The following KCNAB1 variants were observed in gnomAD, a reference collection of about 807,000 sequenced individuals.
KCNAB1 encodes the protein potassium voltage-gated channel subfamily A regulatory beta subunit 1.
Under a neutral mutation model 64.6 loss-of-function variants are expected in KCNAB1, and 35 were observed. The observed-to-expected ratio is 0.54, with a 90% CI of 0.41 to 0.72. The LOEUF (loss-of-function observed/expected upper bound fraction) is 0.72, where lower values mean the gene tolerates loss of function less well. KCNAB1 is among the 30% of genes least tolerant of loss of function. The probability of loss-of-function intolerance (pLI) is 0.00; values close to 1 mark genes in which losing one functional copy is unlikely to be tolerated. For synonymous variants in KCNAB1, 177 were observed against 183.8 expected (o/e 0.96, Z 0.30); for missense variants, 401 against 512.9 (o/e 0.78, Z 2.11).
intron 1 of KCNAB1, among the ~76,000 whole-genome samples, chr3:156,283,728 G>A (rs944830747): frequency 7.3e-5 from 11 of 151,376 alleles, no homozygotes; most frequent in Non-Finnish European, 1.0e-4. Context: ...ATCTTCTATC[G>A]CTGATACCCT....
intron 1 of KCNAB1, among the ~76,000 whole-genome samples, chr3:156,292,289 C>T (rs961595972): frequency 1.3e-5 from 2 of 152,040 alleles, no homozygotes; most frequent in African/African-American, 2.4e-5. Context: ...TGAATAAACC[C>T]AGGGTGGTTG....
rs56797725 is a variant in KCNAB1, at chr3:156,214,564, T to C, written c.275+93678T>C. Among the ~76,000 whole-genome samples, 328 of 152,304 alleles carry C rather than the reference T, an allele frequency of 2.2e-3. 2 individuals are homozygous for C. The highest frequency in any genetic ancestry group is 7.6e-3 in the African/African-American group (315 of 41,568). ...CCCAAACTTCCTGTTATTGCTTTCC[T>C]TTTTGGAAGATGGAGAGATTTTGTC... On this transcript the variant is annotated intron_variant, in intron 1 of 13. Coordinates refer to ENST00000490337, the MANE Select transcript of KCNAB1 (RefSeq NM_172160.3).
intron 1 of KCNAB1, among the ~76,000 whole-genome samples, chr3:156,332,507 G>A (rs1560200567): frequency 6.6e-6 from 1 of 152,136 alleles, no homozygotes; most frequent in Admixed American, 6.5e-5. Flanking sequence ...TAGTGGGTTA[G>A]TTTCAACCAG....
chr3:156,375,353 G>C (rs1446339179), intron 1 of KCNAB1, among the ~76,000 whole-genome samples: 1 of 134,476 alleles, frequency 7.4e-6, no homozygotes, highest in East Asian at 2.0e-4. Flanking sequence ...GGTGGAAGCT[G>C]GGCTGGTGTT....
chr3:156,165,505 G>A (rs6784723), intron 1 of KCNAB1, among the ~76,000 whole-genome samples: 100,661 of 151,804 alleles, frequency 0.66, 33,806 homozygotes, highest in East Asian at 0.93. Flanking sequence ...CAGAGCTTAG[G>A]TGAACAAAGC....
At chr3:156,397,607 G>A (rs1713557317) in intron 1 of KCNAB1, among the ~76,000 whole-genome samples, 1 of 151,988 alleles carries the variant, frequency 6.6e-6, no homozygotes, top group Admixed American at 6.5e-5. Flanking sequence ...AGATGCATAT[G>A]TTTCCTTCCC....
intron 13 of KCNAB1, among the ~76,000 whole-genome samples, chr3:156,535,468 T>G (rs1480389324): frequency 2.0e-5 from 3 of 152,134 alleles, no homozygotes; most frequent in Non-Finnish European, 4.4e-5. Flanking sequence ...GGGGCTTCAG[T>G]CAGCATGTCG....
chr3:156,431,524 G>A (rs574836387), intron 2 of KCNAB1, among the ~76,000 whole-genome samples: 10 of 152,298 alleles, frequency 6.6e-5, no homozygotes, highest in African/African-American at 1.4e-4. Context: ...TGCAGTGTAC[G>A]TGGCTGAATG....
chr3:156,524,652 CAGG>C (rs1317470010), intron 12 of KCNAB1, among the ~76,000 whole-genome samples: 3 of 143,166 alleles, frequency 2.1e-5, no homozygotes, highest in African/African-American at 7.8e-5. Context: ...GAGGCTGAGG[CAGG>C]AGAATGGCGT....
chr3:156,474,605 T>C (rs1714198414), intron 7 of KCNAB1, 129 bp from the exon 8 acceptor site: 2 of 625,064 alleles, frequency 3.2e-6, no homozygotes, highest in Admixed American at 5.3e-5. Context: ...ACAATCATTG[T>C]ATTCAACGCA....
At chr3:156,278,140 C>T (rs147398516) in intron 1 of KCNAB1, among the ~76,000 whole-genome samples, 54 of 152,148 alleles carry the variant, frequency 3.5e-4, no homozygotes, top group African/African-American at 7.0e-4. Context: ...TGAGAAAATA[C>T]GCCTATTTAT....
chr3:156,351,091 T>C (rs1724829324), intron 1 of KCNAB1, among the ~76,000 whole-genome samples: 1 of 152,238 alleles, frequency 6.6e-6, no homozygotes, highest in Non-Finnish European at 1.5e-5. Context: ...GGAAAGGAAA[T>C]GAAAACTTGA....
chr3:156,351,360 C>T (rs1331072982), intron 1 of KCNAB1, among the ~76,000 whole-genome samples: 1 of 152,160 alleles, frequency 6.6e-6, no homozygotes, highest in South Asian at 2.1e-4. Flanking sequence ...GCAATAGAGA[C>T]CTAAAGACAG....
intron 1 of KCNAB1, among the ~76,000 whole-genome samples, chr3:156,230,095 A>G (rs1051688052): frequency 1.3e-5 from 2 of 152,202 alleles, no homozygotes; most frequent in East Asian, 3.8e-4. Flanking sequence ...CAATACTTAG[A>G]ATTGTTATCA....
intron 1 of KCNAB1, among the ~76,000 whole-genome samples, chr3:156,419,606 C>A (rs1715335618): frequency 6.6e-6 from 1 of 151,862 alleles, no homozygotes; most frequent in Non-Finnish European, 1.5e-5. Flanking sequence ...CAAGTCACTT[C>A]TCCCTACTGA....
At chr3:156,535,812 T>C (rs1719016971) in intron 13 of KCNAB1, among the ~76,000 whole-genome samples, 1 of 152,152 alleles carries the variant, frequency 6.6e-6, no homozygotes, top group African/African-American at 2.4e-5. Flanking sequence ...CTGTGTCCCC[T>C]TTCCACCTCC....
intron 1 of KCNAB1, among the ~76,000 whole-genome samples, chr3:156,213,050 T>G (rs1388553231): frequency 6.6e-6 from 1 of 152,088 alleles, no homozygotes; most frequent in Non-Finnish European, 1.5e-5. Context: ...CAGGGAGATC[T>G]GGGCCAGATG....
chr3:156,416,415 A>G (rs957551742), intron 1 of KCNAB1, among the ~76,000 whole-genome samples: 2 of 152,126 alleles, frequency 1.3e-5, no homozygotes, highest in Non-Finnish European at 2.9e-5. Flanking sequence ...GAGCCTTTGC[A>G]CATGCTGTTC....
intron 1 of KCNAB1, chr3:156,143,567 TTG>T: frequency 1.5e-4 from 41 of 280,366 alleles, no homozygotes; most frequent in South Asian, 5.1e-4. Context: ...GGTTGCATTC[TTG>T]TTTTTTTTTT....
Sources: gnomAD v4.1 joint callset for allele counts (sites outside exome capture counted in the v4.1 genomes callset) on GRCh38, gnomAD v4.1.1 for gene constraint, MANE v1.5 for transcripts, NCBI Gene and HGNC (gene_info 2026-07-23, HGNC 2026-07-21) for gene names.